The following TOP3A variants were observed in gnomAD, a reference collection of about 807,000 sequenced individuals.
TOP3A encodes the protein DNA topoisomerase 3-alpha.
TOP3A carries 64 observed loss-of-function variants against 111.3 expected under a neutral mutation model. The observed-to-expected ratio is 0.57, with a 90% CI of 0.47 to 0.71. The LOEUF (loss-of-function observed/expected upper bound fraction) is 0.71, where lower values mean the gene tolerates loss of function less well. Ranked by LOEUF, TOP3A falls within the 30% of genes least tolerant of loss-of-function variation. TOP3A has a pLI of 0.00. For missense variants in TOP3A, 1,104 were observed against 1,285.0 expected (o/e 0.86, Z 2.15); for synonymous variants, 484 against 485.1 (o/e 1.00, Z 0.03).
intron 1 of TOP3A, among the ~76,000 whole-genome samples, chr17:18,310,003 C>T (rs1981816509): frequency 2.0e-5 from 3 of 151,848 alleles, no homozygotes; most frequent in African/African-American, 7.3e-5. Context: ...AGCCACCACG[C>T]CCAGCGAATG....
At chr17:18,299,386 C>CA (rs1209711205) in intron 9 of TOP3A, among the ~76,000 whole-genome samples, 173 bp downstream of exon 9, 7 of 152,198 alleles carry the variant, frequency 4.6e-5, no homozygotes, top group East Asian at 1.9e-4. Flanking sequence ...ACAAAATAAA[C>CA]AAAAAAACAA....
chr17:18,294,667 C>T (rs755555529), intron 10 of TOP3A, 36 bp downstream of exon 10: 49 of 1,453,172 alleles, frequency 3.4e-5, no homozygotes, highest in Middle Eastern at 1.8e-4. Flanking sequence ...CTGATAAAGA[C>T]GGTTCAAATT....
At position 18,291,568 on chromosome 17, in the gene TOP3A, A is replaced by G. The variant is rs114468880; in HGVS notation, c.1282-541T>C. ...AACCACAAAAATATTTATGTCTACA[A>G]ATGTTAACTATAGTATCAAAAACAC... On this transcript the variant is annotated intron_variant, in intron 11 of 18. Coordinates refer to ENST00000321105, the MANE Select transcript of TOP3A (RefSeq NM_004618.5). Among the ~76,000 whole-genome samples, 548 of 152,378 alleles carry G rather than the reference A, an allele frequency of 3.6e-3. 4 individuals carry two copies. Among genetic ancestry groups the G allele is most frequent in the African/African-American group, 0.013 (531 of 41,586 alleles).
chr17:18,288,640 A>G (rs1449909322), intron 13 of TOP3A, among the ~76,000 whole-genome samples: 4 of 151,852 alleles, frequency 2.6e-5, no homozygotes, highest in Non-Finnish European at 5.9e-5. Flanking sequence ...CCCCCCTCCA[A>G]TCCAGCTACA....
intron 5 of TOP3A, 44 bp downstream of exon 5, chr17:18,305,068 G>A (rs199723592): frequency 1.3e-6 from 2 of 1,511,314 alleles, no homozygotes; most frequent in South Asian, 2.2e-5. Flanking sequence ...CTCTATTTAT[G>A]GAGTTCCAAA....
rs764144656 is a variant in TOP3A at position 18,314,685 on chromosome 17, C to A, written c.94G>T (p.Gly32Cys). 3.7e-6 allele frequency: 6 copies of A among 1,612,794 alleles called. No homozygotes were observed. The Admixed American group carries it at 1.0e-4, about 27-fold the overall frequency. ...GCCACACAGAGGACTTTCCGCACGCCTCGGAGGGCCATCTCCATGGCGGCG... is the reference window on the plus strand; with the variant it reads ...GCCACACAGAGGACTTTCCGCACGCATCGGAGGGCCATCTCCATGGCGGCG... ...SRAAMEMALR[G>C]VRKVLCVAEK... The change falls in exon 1 of 19, where the codon GGC becomes TGC. Residue 32 changes from glycine to cysteine, a missense_variant. Gly to Cys is a radical substitution (Grantham distance 159). Coordinates refer to ENST00000321105, the MANE Select transcript of TOP3A (RefSeq NM_004618.5).
chr17:18,280,472 A>C (rs1979686435), intron 17 of TOP3A, 64 bp downstream of exon 17: 1 of 1,568,314 alleles, frequency 6.4e-7, no homozygotes, highest in African/African-American at 1.4e-5. Flanking sequence ...GGGTTCTGGC[A>C]GGAGCAAGGG....
rs763929308 is a variant in TOP3A at position 18,305,166 on chromosome 17, A to G, written c.445T>C (p.Cys149Arg). The change falls in exon 5 of 19, where the codon TGT (cysteine) becomes CGT (arginine). Residue 149 changes from cysteine (C) to arginine (R), a missense_variant. Transcript: ENST00000321105. ...QCQALVIWTD[C>R]DREGENIGFE... is the part of the protein sequence containing the mutation. ...CCGATGTTTTCGCCTTCTCTATCAC[A>G]GTCAGTCCAGATCACCAGAGCCTGG... is the stretch of plus-strand genomic sequence containing the variant. The G allele has an allele frequency of 3.7e-6, 6 of 1,614,200 alleles. No homozygotes were observed. Among genetic ancestry groups the G allele is most frequent in the Non-Finnish European group, 5.1e-6 (6 of 1,180,034 alleles).
intron 5 of TOP3A, among the ~76,000 whole-genome samples, chr17:18,304,585 C>T (rs1174621991): frequency 6.6e-6 from 1 of 152,084 alleles, no homozygotes; most frequent in African/African-American, 2.4e-5. Flanking sequence ...AATAGTCGAG[C>T]ATTGTATAAT....
chr17:18,307,643 A>C (rs1221376816), intron 3 of TOP3A: 1 of 151,026 alleles, frequency 6.6e-6, no homozygotes, highest in African/African-American at 2.4e-5. Flanking sequence ...TTACCAAGGC[A>C]CAGTGGCTCA....
intron 5 of TOP3A, among the ~76,000 whole-genome samples, chr17:18,304,041 T>C (rs547214859): frequency 6.6e-6 from 1 of 152,310 alleles, no homozygotes; most frequent in Admixed American, 6.5e-5. Flanking sequence ...CTCGGCTCAC[T>C]GCAACCTCTG....
intron 13 of TOP3A, among the ~76,000 whole-genome samples, chr17:18,286,139 G>C (rs1024152460): frequency 1.3e-5 from 2 of 150,986 alleles, no homozygotes; most frequent in Admixed American, 6.6e-5. Flanking sequence ...GACAGAGGCT[G>C]CAACGAGCTG....
intron 11 of TOP3A, 106 bp downstream of exon 11, chr17:18,292,539 T>C: frequency 1.9e-6 from 2 of 1,033,070 alleles, no homozygotes; most frequent in Non-Finnish European, 2.7e-6. Context: ...GATCTCAAAA[T>C]CACTTGTTTT....
Position 18,272,828 on chromosome 17 carries a change from G to C in TOP3A, c.*1974C>G, listed in dbSNP as rs930518060. 6.6e-6 allele frequency: 1 copy of C among 151,874 alleles called. No homozygotes were observed. The highest frequency in any genetic ancestry group is 2.4e-5 in the African/African-American group (1 of 41,322). The allele number at this position is 151,874 out of a possible 1,614,324, so 9.4% of individuals were successfully genotyped here. ...CTGACACCACGCCCGGCTAATTTTT[G>C]TATTTTTTTAGAGACGGGGTTTCAT... On this transcript the variant is annotated 3_prime_UTR_variant, in exon 19 of 19. Transcript: ENST00000321105.
intron 9 of TOP3A, among the ~76,000 whole-genome samples, chr17:18,296,336 C>T (rs1980801416): frequency 6.6e-6 from 1 of 152,026 alleles, no homozygotes; most frequent in African/African-American, 2.4e-5. Flanking sequence ...AATCCCAGCA[C>T]TTTGGGAGGC....
Position 18,271,467 on chromosome 17 carries a change from G to GT in TOP3A, c.*3334dup, listed in dbSNP as rs1350332655. ...CTTTAATTTGCAGTCGTGCCTGACC[G>GT]TAAGCCTTCACTAGAGAGCCTCAAT... On this transcript the variant is annotated 3_prime_UTR_variant, in exon 19 of 19. Coordinates refer to ENST00000321105, the MANE Select transcript of TOP3A (RefSeq NM_004618.5). The GT allele has an allele frequency of 1.3e-5, 2 of 158,328 alleles. No homozygotes were observed. Among genetic ancestry groups the GT allele is most frequent in the East Asian group, 3.8e-4 (2 of 5,214 alleles). 9.8% of individuals were successfully genotyped at this position (158,328 alleles called of 1,614,324 possible).
Position 18,272,231 on chromosome 17 carries a change from C to G in TOP3A, c.*2571G>C, listed in dbSNP as rs796856721. 1.3e-5 allele frequency among the ~76,000 whole-genome samples: 2 copies of G among 152,234 alleles called. No individual in the cohort carries two copies. The highest frequency in any genetic ancestry group is 4.8e-5 in the African/African-American group (2 of 41,532). On this transcript the variant is annotated 3_prime_UTR_variant, in exon 19 of 19. Coordinates refer to ENST00000321105, the MANE Select transcript of TOP3A (RefSeq NM_004618.5). ...ACAATGACACGCCACTTCATACCCA[C>G]TAGGATGACAAAACACTAGGATGGC...
chr17:18,290,659 G>C lies in TOP3A; in HGVS notation c.1495C>G (p.His499Asp), dbSNP rs1980410003. Residue 499 changes from histidine to aspartate, a missense_variant, in exon 13 of 19, where the codon CAC becomes GAC. Coordinates refer to ENST00000321105, the MANE Select transcript of TOP3A (RefSeq NM_004618.5). ...ATCTCCACGGTGCTGGGCTGAAAGT[G>C]GGATCCTTGCTCATAGACAGGGAGG... ...KILPVYEQGS[H>D]FQPSTVEMVD... 1.2e-6 allele frequency: 2 copies of C among 1,607,842 alleles called. No individual in the cohort carries two copies. Among genetic ancestry groups the C allele is most frequent in the African/African-American group, 1.3e-5 (1 of 74,774 alleles).
rs1469560495 is a variant in TOP3A, at chr17:18,273,137, CCCCATCAGAACACAGAGCCACTGG to C, written c.*1641_*1664del. 6.6e-6 allele frequency: 1 copy of C among 152,208 alleles called. No individual in the cohort carries two copies. The highest frequency in any genetic ancestry group is 2.1e-4 in the South Asian group (1 of 4,826). The allele number at this position is 152,208 out of a possible 1,614,324, so 9.4% of individuals were successfully genotyped here. On this transcript the variant is annotated 3_prime_UTR_variant, in exon 19 of 19. Coordinates refer to ENST00000321105, the MANE Select transcript of TOP3A (RefSeq NM_004618.5). The stretch of plus-strand genomic sequence containing the variant: ...GCATTTGTAAAAATCCTCCCCAATA[CCCCATCAGAACACAGAGCCACTGG>C]TCTATGGGCCAGGAGCCCAAGACCT...
Sources: allele counts gnomAD v4.1 joint callset (sites outside exome capture counted in the v4.1 genomes callset), GRCh38; gene constraint gnomAD v4.1.1; transcripts MANE v1.5; gene names NCBI Gene and HGNC (gene_info 2026-07-23, HGNC 2026-07-21).